Variants in PLA2G10 observed in about 807,000 individuals in gnomAD.
PLA2G10 encodes the protein group 10 secretory phospholipase A2.
A neutral mutation model predicts 7.9 loss-of-function variants in PLA2G10; 9 were observed. The ratio of observed to expected loss-of-function variants is 1.14; its 90% CI spans 0.68 to 1.98. The LOEUF (loss-of-function observed/expected upper bound fraction) is 1.98, where lower values mean the gene tolerates loss of function less well. Ranked by LOEUF, PLA2G10 falls within the 30% of genes most tolerant of loss-of-function variation. The pLI is 0.00. For missense variants in PLA2G10, 53 were observed against 65.4 expected (o/e 0.81, Z 0.66); for synonymous variants, 19 against 27.5 (o/e 0.69, Z 0.97).
At chr16:14,679,860 CCAACT>C (rs1960839220) in intron 3 of PLA2G10, among the ~76,000 whole-genome samples, 1 of 151,746 alleles carries the variant, frequency 6.6e-6, no homozygotes, top group South Asian at 2.1e-4. Flanking sequence ...CAGAAGAAAC[CCAACT>C]CTCTTTAAGC....
intron 3 of PLA2G10, among the ~76,000 whole-genome samples, chr16:14,687,191 A>C (rs776235070): frequency 1.8e-4 from 27 of 151,992 alleles, no homozygotes; most frequent in Non-Finnish European, 3.7e-4. Context: ...ATAAATAAAT[A>C]ATATAAAAAT....
intron 3 of PLA2G10, among the ~76,000 whole-genome samples, chr16:14,673,237 G>A (rs1236802383): frequency 6.6e-6 from 1 of 151,728 alleles, no homozygotes; most frequent in Non-Finnish European, 1.5e-5. Context: ...TGGCCAGGAT[G>A]GTCTCGAACT....
At chr16:14,679,674 AAT>A (rs1286821472) in intron 3 of PLA2G10, among the ~76,000 whole-genome samples, 90 of 146,772 alleles carry the variant, frequency 6.1e-4, no homozygotes, top group African/African-American at 1.4e-3. Flanking sequence ...AAAAAAAAAA[AAT>A]AATAATAATA....
In PLA2G10 at chr16:14,672,735, T is replaced by C; in HGVS notation, c.370A>G (p.Lys124Glu). ...QSVLCGPAEN[K>E]CQELLCKCDQ... is the part of the protein sequence containing the mutation. ...CACTTGCACAACAGTTCTTGGCATT[T>C]GTTCTCTGCCGGTCCTGGAAGAAGT... The change falls in exon 4 of 4, where the codon AAA (lysine) becomes GAA (glutamate). Residue 124 changes from lysine (K) to glutamate (E), a missense_variant. Coordinates refer to ENST00000438167, the MANE Select transcript of PLA2G10 (RefSeq NM_003561.3). 1.2e-6 allele frequency: 2 copies of C among 1,613,978 alleles called. No homozygotes were observed. Among genetic ancestry groups the C allele is most frequent in the African/African-American group, 2.7e-5 (2 of 75,036 alleles).
chr16:14,674,753 T>C (rs1000203027), intron 3 of PLA2G10, among the ~76,000 whole-genome samples: 1 of 151,282 alleles, frequency 6.6e-6, no homozygotes, highest in African/African-American at 2.4e-5. Flanking sequence ...CAGCTTCAAA[T>C]TATGCTACAA....
intron 3 of PLA2G10, among the ~76,000 whole-genome samples, chr16:14,680,987 C>T (rs1960873844): frequency 2.0e-5 from 3 of 151,840 alleles, no homozygotes; most frequent in Admixed American, 2.0e-4. Context: ...CATGATGAAA[C>T]CCCGTCTCTA....
chr16:14,684,337 CA>C (rs71373100), intron 3 of PLA2G10, among the ~76,000 whole-genome samples: 632 of 39,786 alleles, frequency 0.016, no homozygotes, highest in African/African-American at 0.059. Context: ...GACTCCATCT[CA>C]AAAAAAAAAA....
chr16:14,683,677 T>C (rs969301384), intron 3 of PLA2G10, among the ~76,000 whole-genome samples: 1 of 152,150 alleles, frequency 6.6e-6, no homozygotes, highest in Non-Finnish European at 1.5e-5. Context: ...TAACTCAAAA[T>C]GGATCAATGA....
intron 3 of PLA2G10, among the ~76,000 whole-genome samples, chr16:14,675,759 T>A (rs1233191109): frequency 2.0e-5 from 3 of 151,692 alleles, no homozygotes; most frequent in Non-Finnish European, 4.4e-5. Context: ...GCCAACATGG[T>A]GAAACCCCGT....
intron 3 of PLA2G10, among the ~76,000 whole-genome samples, chr16:14,674,457 A>G (rs926047276): frequency 6.6e-6 from 1 of 152,222 alleles, no homozygotes; most frequent in Non-Finnish European, 1.5e-5. Context: ...TAATCCTAGC[A>G]CTTTGCAAGG....
chr16:14,681,853 C>A (rs1055492592), intron 3 of PLA2G10, among the ~76,000 whole-genome samples: 1 of 151,464 alleles, frequency 6.6e-6, no homozygotes, highest in Non-Finnish European at 1.5e-5. Flanking sequence ...TGGGTAGGAG[C>A]AAGCAGAATA....
At chr16:14,679,040 G>A (rs1289284054) in intron 3 of PLA2G10, among the ~76,000 whole-genome samples, 5 of 151,966 alleles carry the variant, frequency 3.3e-5, no homozygotes, top group Non-Finnish European at 1.5e-5. Context: ...CTGTTCCTCA[G>A]GTCTCTGCTT....
At chr16:14,682,107 A>G (rs1178799283) in intron 3 of PLA2G10, among the ~76,000 whole-genome samples, 1 of 152,026 alleles carries the variant, frequency 6.6e-6, no homozygotes, top group African/African-American at 2.4e-5. Flanking sequence ...TGCTGGGATT[A>G]TAGGTATGAG....
intron 3 of PLA2G10, among the ~76,000 whole-genome samples, chr16:14,674,132 A>G (rs534795785): frequency 3.3e-5 from 5 of 152,266 alleles, no homozygotes; most frequent in African/African-American, 9.6e-5. Context: ...AGCTGGAAAA[A>G]AAAAAAGGAA....
chr16:14,688,391 ATTT>A, intron 2 of PLA2G10, 120 bp from the exon 3 acceptor site: 7 of 240,706 alleles, frequency 2.9e-5, no homozygotes, highest in East Asian at 6.4e-5. Context: ...CTTATCTAAG[ATTT>A]TTTTTTTTTT....
At chr16:14,686,921 C>A (rs1271138957) in intron 3 of PLA2G10, among the ~76,000 whole-genome samples, 1 of 152,074 alleles carries the variant, frequency 6.6e-6, no homozygotes, top group African/African-American at 2.4e-5. Flanking sequence ...GCCTGACCAA[C>A]ATGGCAAAAC....
At chr16:14,678,308 C>G (rs1467202739) in intron 3 of PLA2G10, among the ~76,000 whole-genome samples, 1 of 152,162 alleles carries the variant, frequency 6.6e-6, no homozygotes, top group Admixed American at 6.6e-5. Flanking sequence ...GCAGTTCCAT[C>G]CAGCCAGATT....
At chr16:14,675,768 G>A (rs925886583) in intron 3 of PLA2G10, among the ~76,000 whole-genome samples, 8 of 151,466 alleles carry the variant, frequency 5.3e-5, no homozygotes, top group Non-Finnish European at 1.2e-4. Context: ...GTGAAACCCC[G>A]TCTCTACTAA....
intron 3 of PLA2G10, among the ~76,000 whole-genome samples, chr16:14,685,988 T>A (rs925737551): frequency 3.9e-5 from 5 of 129,802 alleles, no homozygotes; most frequent in Non-Finnish European, 1.7e-5. Context: ...TTTTCTTTAC[T>A]CTTTTTTTTT....
Sources: gnomAD v4.1 joint callset for allele counts (sites outside exome capture counted in the v4.1 genomes callset) on GRCh38, gnomAD v4.1.1 for gene constraint, MANE v1.5 for transcripts, NCBI Gene and HGNC (gene_info 2026-07-23, HGNC 2026-07-21) for gene names.